Variants in CP observed in about 807,000 individuals in gnomAD.
CP encodes the protein ceruloplasmin.
In CP, 64 loss-of-function variants were observed where a neutral mutation model predicts 122.4. That is an observed-to-expected ratio of 0.52 (90% CI 0.43 to 0.64). The LOEUF is 0.64. Ranked by LOEUF, CP falls within the 30% of genes least tolerant of loss-of-function variation. The pLI is 0.00. For synonymous variants in CP, 440 were observed against 436.4 expected (o/e 1.01, Z -0.10); for missense variants, 1,167 against 1,284.4 (o/e 0.91, Z 1.40).
chr3:149,165,914 T>C (rs1405377553), intron 5 of CP: 1 of 428,540 alleles, frequency 2.3e-6, no homozygotes, highest in Non-Finnish European at 4.7e-6. Context: ...CATGAATAAT[T>C]TATTAAACTT....
rs372758337 is a variant in CP at position 149,210,120 on chromosome 3, C to T, written c.607+47G>A. The T allele has an allele frequency of 1.2e-5, 18 of 1,563,660 alleles. No homozygotes were observed. The African/African-American group carries it at 1.4e-4, about 12-fold the overall frequency. Reference sequence around the variant, plus strand: ...TCTTTTTAAAAGACAAACTGCCCTGCCCCTGTCTTTTGGTCATATAGCATG... The same window carrying T: ...TCTTTTTAAAAGACAAACTGCCCTGTCCCTGTCTTTTGGTCATATAGCATG... On this transcript the variant is annotated intron_variant, in intron 3 of 18. Transcript: ENST00000264613.
At position 149,189,410 on chromosome 3, in the gene CP, C is replaced by T. The variant is rs186650470; in HGVS notation, c.1714-1208G>A. Among the ~76,000 whole-genome samples, 590 of 151,490 alleles carry T rather than the reference C, an allele frequency of 3.9e-3. 5 individuals are homozygous for T. Among genetic ancestry groups the T allele is most frequent in the African/African-American group, 0.013 (553 of 41,036 alleles). Reference sequence around the variant, plus strand: ...TACTAAAAATACAAAAAAAATTAGCCGGGTGTGATGGCGGGCTCCTGTAGT... The same window carrying T: ...TACTAAAAATACAAAAAAAATTAGCTGGGTGTGATGGCGGGCTCCTGTAGT... On this transcript the variant is annotated intron_variant, in intron 9 of 18. Coordinates refer to ENST00000264613, the MANE Select transcript of CP (RefSeq NM_000096.4).
chr3:149,194,581 G>A (rs566032652), intron 9 of CP, among the ~76,000 whole-genome samples: 14 of 148,530 alleles, frequency 9.4e-5, no homozygotes, highest in African/African-American at 2.9e-4. Context: ...ATTTACAAAG[G>A]CCAAATAAAA....
chr3:149,178,166 C>G (rs1725542290), intron 16 of CP, among the ~76,000 whole-genome samples, 187 bp from the exon 17 acceptor site: 1 of 152,114 alleles, frequency 6.6e-6, no homozygotes, highest in African/African-American at 2.4e-5. Flanking sequence ...AGGCACTTTG[C>G]ACCAAAAGCC....
chr3:149,173,710 T>C lies in CP; in HGVS notation c.*4A>G. On this transcript the variant is annotated 3_prime_UTR_variant, in exon 19 of 19. Coordinates refer to ENST00000264613, the MANE Select transcript of CP (RefSeq NM_000096.4). ...TTTTTCCACTTATCACCAATTTATT[T>C]CATTCAGCCAGATTTGGTGTCTATA... 2.1e-6 allele frequency: 3 copies of C among 1,448,708 alleles called. No individual in the cohort carries two copies. The highest frequency in any genetic ancestry group is 2.9e-6 in the Non-Finnish European group (3 of 1,048,016). 89.7% of individuals were successfully genotyped at this position (1,448,708 alleles called of 1,614,324 possible). A position where few individuals can be genotyped will look rare whatever the true frequency, so the allele number is the denominator to read the frequency against.
At position 149,206,112 on chromosome 3, in the gene CP, T is replaced by A; in HGVS notation, c.1208+56A>T. ...TAATTGCTGAATTAGCCTTTTGTAG[T>A]TCCTTTGTGCGGGGGAGAGCATATT... On this transcript the variant is annotated intron_variant, in intron 6 of 18. Transcript: ENST00000264613. 16 of 1,544,798 alleles carry A rather than the reference T, an allele frequency of 1.0e-5. 1 individual carries two copies. In the South Asian group the frequency reaches 1.7e-4, roughly 16 times the overall value.
chr3:149,192,911 T>G (rs1337657449), intron 9 of CP, among the ~76,000 whole-genome samples: 1 of 151,842 alleles, frequency 6.6e-6, no homozygotes, highest in African/African-American at 2.4e-5. Context: ...TCTCCTACAC[T>G]TTACGCAGTG....
intron 1 of CP, among the ~76,000 whole-genome samples, chr3:149,221,389 C>T (rs1345523992): frequency 1.3e-5 from 2 of 152,032 alleles, no homozygotes; most frequent in Admixed American, 6.6e-5. Context: ...GATTCCTAAT[C>T]GGAGATGCAG....
intron 9 of CP, among the ~76,000 whole-genome samples, chr3:149,193,212 G>C (rs1358154059): frequency 6.6e-6 from 1 of 152,152 alleles, no homozygotes; most frequent in Non-Finnish European, 1.5e-5. Flanking sequence ...TGCCTGGCCT[G>C]TGACCTAGAA....
chr3:149,210,112 C>T (rs1254158228), intron 3 of CP, 55 bp downstream of exon 3: 2 of 1,544,496 alleles, frequency 1.3e-6, no homozygotes, highest in Admixed American at 1.7e-5. Context: ...AAAAGACAAA[C>T]TGCCCTGCCC....
chr3:149,166,448 G>A (rs924094310), intron 4 of CP, among the ~76,000 whole-genome samples: 3 of 152,226 alleles, frequency 2.0e-5, no homozygotes, highest in Admixed American at 1.3e-4. Context: ...CAGTATTTCT[G>A]TATGTGCATT....
chr3:149,182,015 T>G lies in CP; in HGVS notation c.2544A>C (p.Pro848=). ...CGCCCCCGTGAGTACCTGGTAATGT[T>G]GGAGTAACTGTAGAACTCTCTGTTT... ...GVQTESSTVT[P]TLPGETLTYV... The change falls in exon 14 of 19, where the codon CCA becomes CCC. Residue 848 remains proline, a synonymous_variant. Transcript: ENST00000264613. 4 of 1,024,072 alleles carry G rather than the reference T, an allele frequency of 3.9e-6. No individual in the cohort carries two copies. The highest frequency in any genetic ancestry group is 5.5e-6 in the Non-Finnish European group (4 of 724,348). The allele number at this position is 1,024,072 out of a possible 1,614,324, so 63.4% of individuals were successfully genotyped here. A position where few individuals can be genotyped will look rare whatever the true frequency, so the allele number is the denominator to read the frequency against.
At chr3:149,194,091 G>A (rs1726725593) in intron 9 of CP, among the ~76,000 whole-genome samples, 1 of 152,042 alleles carries the variant, frequency 6.6e-6, no homozygotes, top group African/African-American at 2.4e-5. Flanking sequence ...GTCAAATAAG[G>A]TAACATGTCT....
At chr3:149,216,396 G>A (rs1156325246) in intron 1 of CP, among the ~76,000 whole-genome samples, 2 of 152,192 alleles carry the variant, frequency 1.3e-5, no homozygotes, top group African/African-American at 2.4e-5. Context: ...TGGGCCGAGA[G>A]CCTCTCCCAG....
intron 14 of CP, 30 bp downstream of exon 14, chr3:149,181,975 C>CGGGGGGGGGGGGG: frequency 1.1e-5 from 12 of 1,088,420 alleles, no homozygotes; most frequent in Non-Finnish European, 1.5e-5. Context: ...TGTTAAAATG[C>CGGGGGGGGGGGGG]ACCACCCCCA....
At chr3:149,191,162 C>G (rs1338207335) in intron 9 of CP, among the ~76,000 whole-genome samples, 1 of 151,778 alleles carries the variant, frequency 6.6e-6, no homozygotes. Context: ...GCAAGGCTGC[C>G]TTTTTGAAAT....
chr3:149,212,881 G>A (rs1325417150), intron 1 of CP, among the ~76,000 whole-genome samples, 183 bp from the exon 2 acceptor site: 1 of 152,204 alleles, frequency 6.6e-6, no homozygotes, highest in Non-Finnish European at 1.5e-5. Flanking sequence ...TTATTTTAAT[G>A]ATGTGAGGCT....
In CP at chr3:149,221,151, C is replaced by G. The variant is rs182068164; in HGVS notation, c.146+496G>C. 7.0e-4 allele frequency among the ~76,000 whole-genome samples: 106 copies of G among 152,138 alleles called. 1 individual carries two copies. The highest frequency in any genetic ancestry group is 2.5e-3 in the African/African-American group (105 of 41,534). ...TTATCCTCATTTTACAAATTAGGACCCTGAAGCTGTGAAAGATTAACCTAC... is the reference window on the plus strand; with the variant it reads ...TTATCCTCATTTTACAAATTAGGACGCTGAAGCTGTGAAAGATTAACCTAC... On this transcript the variant is annotated intron_variant, in intron 1 of 18. Coordinates refer to ENST00000264613, the MANE Select transcript of CP (RefSeq NM_000096.4).
At position 149,182,128 on chromosome 3, in the gene CP, G is replaced by C. The variant is rs774183994; in HGVS notation, c.2431C>G (p.Gln811Glu). ...TTGTCTCCAACATCTGCATGAAGTT[G>C]TGGACCTGGCAAAAGTGAAGAGGAA... ...EEEHLGILGP[Q>E]LHADVGDKVK... is the part of the protein sequence containing the mutation. The change falls in exon 14 of 19, where the codon CAA (glutamine) becomes GAA (glutamate). Residue 811 changes from glutamine to glutamate, a missense_variant. Physicochemically the swap from Gln to Glu is conservative, Grantham distance 29. Transcript: ENST00000264613. The C allele has an allele frequency of 1.2e-6, 2 of 1,614,022 alleles. No homozygotes were observed. The highest frequency in any genetic ancestry group is 1.3e-5 in the African/African-American group (1 of 75,038).
Sources: gnomAD v4.1 joint callset for allele counts (sites outside exome capture counted in the v4.1 genomes callset) on GRCh38, gnomAD v4.1.1 for gene constraint, MANE v1.5 for transcripts, NCBI Gene and HGNC (gene_info 2026-07-23, HGNC 2026-07-21) for gene names.